Variants in CNBD1 observed in about 807,000 individuals in gnomAD.
CNBD1 encodes the protein cyclic nucleotide-binding domain-containing protein 1.
In CNBD1, 71 loss-of-function variants were observed where a neutral mutation model predicts 54.4. The observed-to-expected ratio is 1.30, with a 90% CI of 1.08 to 1.59. The LOEUF is 1.59. CNBD1 is among the 40% of genes most tolerant of loss of function. The probability of loss-of-function intolerance (pLI) is 0.00; values close to 1 mark genes in which losing one functional copy is unlikely to be tolerated. For synonymous variants in CNBD1, 182 were observed against 170.7 expected, an observed-to-expected ratio of 1.07 and a Z score of -0.51; for missense variants, 659 against 518.0, an observed-to-expected ratio of 1.27 and a Z score of -2.64.
intron 4 of CNBD1, among the ~76,000 whole-genome samples, chr8:87,036,149 T>C (rs1436706864): frequency 6.6e-6 from 1 of 152,184 alleles, no homozygotes; most frequent in Non-Finnish European, 1.5e-5. Flanking sequence ...TTCTAGACAT[T>C]TTCTATTAAC....
intron 4 of CNBD1, among the ~76,000 whole-genome samples, chr8:87,020,989 C>T (rs1162154482): frequency 6.6e-6 from 1 of 152,218 alleles, no homozygotes; most frequent in Non-Finnish European, 1.5e-5. Flanking sequence ...CAGACAACCT[C>T]AACCAATTGT....
chr8:87,086,258 T>A (rs1261348607), intron 4 of CNBD1, among the ~76,000 whole-genome samples: 1 of 152,240 alleles, frequency 6.6e-6, no homozygotes, highest in African/African-American at 2.4e-5. Flanking sequence ...ACCCAGTGCC[T>A]CTTCCTCGCA....
At chr8:87,335,844 G>T (rs1421534302) in intron 8 of CNBD1, among the ~76,000 whole-genome samples, 1 of 152,124 alleles carries the variant, frequency 6.6e-6, no homozygotes, top group Non-Finnish European at 1.5e-5. Context: ...GCCTGGTACT[G>T]GTTTTTCCTT....
intron 2 of CNBD1, among the ~76,000 whole-genome samples, chr8:87,405,925 A>T (rs1807643844): frequency 5.3e-5 from 8 of 152,186 alleles, no homozygotes; most frequent in Admixed American, 5.2e-4. Context: ...AGCATCTGTT[A>T]TCTGATAACA....
At chr8:87,421,491 G>T (rs1169935632) in intron 2 of CNBD1, among the ~76,000 whole-genome samples, 1 of 138,208 alleles carries the variant, frequency 7.2e-6, no homozygotes, top group Non-Finnish European at 1.5e-5. Flanking sequence ...TGATCTCATT[G>T]TTCAATTCCC....
At chr8:87,380,063 A>C (rs1332860716) in intron 10 of CNBD1, among the ~76,000 whole-genome samples, 3 of 151,932 alleles carry the variant, frequency 2.0e-5, no homozygotes, top group Non-Finnish European at 4.4e-5. Flanking sequence ...ACTAGTAAGG[A>C]TAAACTTAGA....
intron 10 of CNBD1, among the ~76,000 whole-genome samples, chr8:87,372,767 T>C (rs897308002): frequency 6.6e-6 from 1 of 151,828 alleles, no homozygotes; most frequent in African/African-American, 2.4e-5. Flanking sequence ...AATCACCTCA[T>C]ATATGGCAAA....
At chr8:86,914,781 G>A (rs1483570576) in intron 3 of CNBD1, among the ~76,000 whole-genome samples, 5 of 152,082 alleles carry the variant, frequency 3.3e-5, no homozygotes, top group African/African-American at 1.2e-4. Context: ...TATCTAAAGT[G>A]CACTCTCAGA....
intron 3 of CNBD1, among the ~76,000 whole-genome samples, chr8:86,925,755 G>C (rs1334932120): frequency 6.8e-6 from 1 of 147,486 alleles, no homozygotes; most frequent in Non-Finnish European, 1.5e-5. Context: ...AAAAGAATTA[G>C]CCAGGTGTGG....
At chr8:87,039,582 A>G (rs1810021789) in intron 4 of CNBD1, among the ~76,000 whole-genome samples, 1 of 152,196 alleles carries the variant, frequency 6.6e-6, no homozygotes, top group South Asian at 2.1e-4. Flanking sequence ...TAGCCACCCA[A>G]CAGGTTCACC....
intron 4 of CNBD1, among the ~76,000 whole-genome samples, chr8:87,134,412 T>C (rs961642389): frequency 2.0e-5 from 3 of 152,072 alleles, no homozygotes; most frequent in Non-Finnish European, 2.9e-5. Flanking sequence ...ATATGTTCTT[T>C]CAGTTGCTTT....
chr8:87,184,468 C>A (rs980316470), intron 4 of CNBD1, among the ~76,000 whole-genome samples: 1 of 152,160 alleles, frequency 6.6e-6, no homozygotes, highest in Non-Finnish European at 1.5e-5. Flanking sequence ...GTGCTCCTCT[C>A]CAGCCTTTCC....
chr8:87,162,055 T>C (rs1351625689), intron 4 of CNBD1, among the ~76,000 whole-genome samples: 1 of 152,068 alleles, frequency 6.6e-6, no homozygotes, highest in Non-Finnish European at 1.5e-5. Context: ...ACAGGGACTC[T>C]TCATGGAGTC....
chr8:87,175,214 G>T (rs760516173), intron 4 of CNBD1, among the ~76,000 whole-genome samples: 8 of 152,168 alleles, frequency 5.3e-5, no homozygotes, highest in Non-Finnish European at 1.0e-4. Flanking sequence ...GACCACAAGT[G>T]CCTCCTTGGT....
chr8:86,878,105 T>TGTGTGTGTGTGTGA (rs56785226), intron 1 of CNBD1, among the ~76,000 whole-genome samples: 3,088 of 140,852 alleles, frequency 0.022, 56 homozygotes, highest in East Asian at 0.047. Flanking sequence ...TGTGTGTGTG[T>TGTGTGTGTGTGTGA]GAGAGAGAGA....
At chr8:87,403,642 C>T (rs541429405) in intron 2 of CNBD1, among the ~76,000 whole-genome samples, 2 of 151,840 alleles carry the variant, frequency 1.3e-5, no homozygotes, top group East Asian at 1.9e-4. Context: ...AAGGGAGGCA[C>T]TCATTAAAGG....
chr8:86,935,558 C>CT (rs1233853241), intron 3 of CNBD1, among the ~76,000 whole-genome samples: 5 of 152,052 alleles, frequency 3.3e-5, no homozygotes, highest in Non-Finnish European at 7.4e-5. Context: ...ATCTTTCTAT[C>CT]TTTTTCTATC....
intron 6 of CNBD1, among the ~76,000 whole-genome samples, chr8:87,244,425 A>G (rs1403131429): frequency 1.3e-5 from 2 of 152,140 alleles, no homozygotes; most frequent in East Asian, 3.9e-4. Flanking sequence ...TCACAGACCC[A>G]TATGCAATTT....
intron 6 of CNBD1, among the ~76,000 whole-genome samples, chr8:87,256,009 A>ATT (rs1563526118): frequency 6.6e-4 from 13 of 19,654 alleles, no homozygotes; most frequent in African/African-American, 8.4e-4. Flanking sequence ...ATATATATAT[A>ATT]TATATATTTT....
Sources: gnomAD v4.1 joint callset for allele counts (sites outside exome capture counted in the v4.1 genomes callset) on GRCh38, gnomAD v4.1.1 for gene constraint, MANE v1.5 for transcripts, NCBI Gene and HGNC (gene_info 2026-07-23, HGNC 2026-07-21) for gene names.